The following LRRD1 variants were observed in gnomAD, a reference collection of about 807,000 sequenced individuals.
LRRD1 encodes the protein leucine rich repeats and death domain containing 1, also known as leucine-rich repeat and death domain-containing protein 1.
A neutral mutation model predicts 69.5 loss-of-function variants in LRRD1; 49 were observed. The observed-to-expected ratio is 0.70, with a 90% CI of 0.56 to 0.89. The LOEUF (loss-of-function observed/expected upper bound fraction) is 0.89, where lower values mean the gene tolerates loss of function less well. Ranked by LOEUF, LRRD1 falls within the 40% of genes least tolerant of loss-of-function variation. The pLI is 0.00. For synonymous variants in LRRD1, 303 were observed against 338.9 expected, an observed-to-expected ratio of 0.89 and a Z score of 1.16; for missense variants, 853 against 956.0, an observed-to-expected ratio of 0.89 and a Z score of 1.42.
rs542619786 is a variant in LRRD1 at position 92,167,876 on chromosome 7, C to CAAAAAAAAAAAAAAAAAA, written c.-74-2618_-74-2601dup. Among the ~76,000 whole-genome samples the CAAAAAAAAAAAAAAAAAA allele has an allele frequency of 2.2e-4, 10 of 46,196 alleles. 1 individual carries two copies. The highest frequency in any genetic ancestry group is 8.5e-4 in the African/African-American group (9 of 10,544). 30.3% of individuals were successfully genotyped at this position (46,196 alleles called of 152,430 possible). On this transcript the variant is annotated intron_variant, in intron 1 of 5. Transcript: ENST00000458448. ...TGGGCAACACAGCGAGACTCTGTCT[C>CAAAAAAAAAAAAAAAAAA]AAAAAAAAAAAAAAAAAAAAAAAAA...
intron 4 of LRRD1, 81 bp from the exon 5 acceptor site, chr7:92,146,281 A>G: frequency 1.4e-6 from 1 of 697,396 alleles, no homozygotes; most frequent in Non-Finnish European, 2.3e-6. Context: ...TAGTTTTCTT[A>G]TTTCTGTGCT....
intron 1 of LRRD1, among the ~76,000 whole-genome samples, chr7:92,174,511 T>TATATATGTATATA (rs1563195897): frequency 2.2e-4 from 6 of 26,704 alleles, no homozygotes; most frequent in Non-Finnish European, 3.4e-4. Context: ...ATATATATAT[T>TATATATGTATATA]TTTTTTTTTT....
chr7:92,155,530 G>A (rs928912552), intron 3 of LRRD1, among the ~76,000 whole-genome samples: 1 of 152,128 alleles, frequency 6.6e-6, no homozygotes, highest in Non-Finnish European at 1.5e-5. Context: ...GGTCAGTCAG[G>A]GTTCTCTAGA....
chr7:92,169,638 A>C (rs967672496), intron 1 of LRRD1, among the ~76,000 whole-genome samples: 6 of 152,194 alleles, frequency 3.9e-5, no homozygotes, highest in Admixed American at 3.3e-4. Context: ...CGACAGAGAG[A>C]GATTTCGTCT....
In LRRD1 at chr7:92,150,671, C is replaced by T; in HGVS notation, c.2141G>A (p.Ser714Asn). The T allele has an allele frequency of 6.5e-7, 1 of 1,542,298 alleles. No individual in the cohort carries two copies. The highest frequency in any genetic ancestry group is 8.8e-7 in the Non-Finnish European group (1 of 1,142,240). ...LSGNNLTALP[S>N]AIYNIFSLKE... ...CAGTGAAAAAATATTGTAGATAGCA[C>T]TAGGTAGAGCTGTCAGATTATTTCC... Residue 714 changes from serine (S) to asparagine (N), a missense_variant, in exon 4 of 6, where the codon AGT becomes AAT. Physicochemically the swap from Ser to Asn is conservative, Grantham distance 46 (BLOSUM62 1). Around this residue, in one of 3 missense-constraint regions of LRRD1, gnomAD observed 739 missense variants for 808.0 expected, o/e 0.91. Transcript: ENST00000458448.
rs1789021537 is a variant in LRRD1, at chr7:92,170,163, G to GGGAA, written c.-74-4891_-74-4888dup. Among the ~76,000 whole-genome samples the GGGAA allele has an allele frequency of 2.7e-5, 4 of 148,926 alleles. No individual in the cohort carries two copies. In the South Asian group the frequency reaches 8.6e-4, roughly 32 times the overall value. ...AAGGACGGAAGGAAGGAAGGAAGGAGGGAAGGAAGGAAAAGAAAAGAAGAA... is the reference window on the plus strand; with the variant it reads ...AAGGACGGAAGGAAGGAAGGAAGGAGGGAAGGAAGGAAGGAAAAGAAAAGAAGAA... On this transcript the variant is annotated intron_variant, in intron 1 of 5. Transcript: ENST00000458448.
intron 1 of LRRD1, among the ~76,000 whole-genome samples, chr7:92,173,951 A>G (rs1186560838): frequency 6.6e-6 from 1 of 152,232 alleles, no homozygotes; most frequent in Non-Finnish European, 1.5e-5. Flanking sequence ...AGATGAATGG[A>G]TAAAGAAAAT....
In LRRD1 at chr7:92,165,057, C is replaced by G; in HGVS notation, c.146G>C (p.Gly49Ala). 1.3e-6 allele frequency: 2 copies of G among 1,551,542 alleles called. No individual in the cohort carries two copies. Among genetic ancestry groups the G allele is most frequent in the South Asian group, 2.4e-5 (2 of 84,040 alleles). The change falls in exon 2 of 6, where the codon GGG becomes GCG. Residue 49 changes from glycine (G) to alanine (A), a missense_variant. By Grantham distance (60) the Gly-to-Ala change is moderately conservative (BLOSUM62 0). Transcript: ENST00000458448. ...TTCATAAATCTGGTTAGAAGATTTC[C>G]CTTCCAGGTAATCAGAAGCTTCGTT... is the stretch of plus-strand genomic sequence containing the variant. ...LINEASDYLE[G>A]KSSNQIYETH...
At chr7:92,172,003 G>T (rs1789067163) in intron 1 of LRRD1, among the ~76,000 whole-genome samples, 1 of 152,158 alleles carries the variant, frequency 6.6e-6, no homozygotes, top group Admixed American at 6.5e-5. Context: ...ACATGCCTGT[G>T]GTCCCAGCTA....
At chr7:92,154,855 T>C (rs1388526254) in intron 3 of LRRD1, among the ~76,000 whole-genome samples, 14 of 152,182 alleles carry the variant, frequency 9.2e-5, no homozygotes. Flanking sequence ...AGCTGATGCC[T>C]ACAAACCAAA....
chr7:92,163,190 A>G, intron 2 of LRRD1, 96 bp downstream of exon 2: 1 of 746,406 alleles, frequency 1.3e-6, no homozygotes, highest in South Asian at 6.1e-5. Flanking sequence ...GCTCAACTTA[A>G]AACACACATA....
rs542619786 is a variant in LRRD1 at position 92,167,876 on chromosome 7, CAAAAAAAAAAAAAA to C, written c.-74-2614_-74-2601del. 5.2e-4 allele frequency among the ~76,000 whole-genome samples: 24 copies of C among 46,198 alleles called. 1 individual carries two copies. Among genetic ancestry groups the C allele is most frequent in the South Asian group, 3.8e-3 (3 of 794 alleles). The allele number at this position is 46,198 out of a possible 152,430, so 30.3% of individuals were successfully genotyped here. A position where few individuals can be genotyped will look rare whatever the true frequency, so the allele number is the denominator to read the frequency against. On this transcript the variant is annotated intron_variant, in intron 1 of 5. Transcript: ENST00000458448. ...TGGGCAACACAGCGAGACTCTGTCTCAAAAAAAAAAAAAAAAAAAAAAAAAAAAAAAATAAGTTA... is the reference window on the plus strand; with the variant it reads ...TGGGCAACACAGCGAGACTCTGTCTCAAAAAAAAAAAAAAAAAATAAGTTA...
intron 1 of LRRD1, among the ~76,000 whole-genome samples, chr7:92,170,573 G>T (rs1016508781): frequency 2.6e-5 from 4 of 152,150 alleles, no homozygotes; most frequent in Non-Finnish European, 4.4e-5. Flanking sequence ...AATTTGTCTG[G>T]CAACAGACTG....
intron 3 of LRRD1, among the ~76,000 whole-genome samples, 188 bp downstream of exon 3, chr7:92,158,817 T>C (rs925553902): frequency 1.2e-4 from 19 of 152,168 alleles, no homozygotes; most frequent in Middle Eastern, 3.2e-3. Context: ...CTCCTACTCT[T>C]TCAAGGCAGG....
chr7:92,174,537 T>TTTTTA (rs1789149880), intron 1 of LRRD1, among the ~76,000 whole-genome samples: 1 of 82,170 alleles, frequency 1.2e-5, no homozygotes, highest in Admixed American at 1.3e-4. Flanking sequence ...TTTTTTTTTT[T>TTTTTA]GAGACAGAGT....
chr7:92,167,871 T>C (rs1231092712), intron 1 of LRRD1, among the ~76,000 whole-genome samples: 1 of 73,350 alleles, frequency 1.4e-5, no homozygotes, highest in Non-Finnish European at 2.2e-5. Context: ...AGCGAGACTC[T>C]GTCTCAAAAA....
At chr7:92,171,714 A>G (rs1227965591) in intron 1 of LRRD1, among the ~76,000 whole-genome samples, 2 of 152,196 alleles carry the variant, frequency 1.3e-5, no homozygotes, top group African/African-American at 4.8e-5. Flanking sequence ...ACACAGCAAA[A>G]AAAGAAAACT....
Position 92,163,933 on chromosome 7 carries a change from GGAGT to G in LRRD1, c.1266_1269del (p.Lys422AsnfsTer3), listed in dbSNP as rs1788845195. On this transcript the variant is annotated frameshift_variant, in exon 2 of 6. Transcript: ENST00000458448. LOFTEE classifies it high-confidence loss of function. ...TTTACCATATTATTTCTGTTTACAT[GGAGT>G]TTTCTTAAATTGTTAAGCTTATGGA... The G allele has an allele frequency of 2.6e-6, 4 of 1,538,256 alleles. No homozygotes were observed. In the African/African-American group the frequency reaches 5.5e-5, roughly 21 times the overall value.
At chr7:92,143,394 A>T (rs1820220824), downstream of LRRD1, among the ~76,000 whole-genome samples, 2 of 143,434 alleles carry the variant, frequency 1.4e-5, no homozygotes, top group Admixed American at 1.4e-4. Flanking sequence ...TGGATGGTCG[A>T]TGGGTCTGGG....
Sources: allele counts gnomAD v4.1 joint callset (sites outside exome capture counted in the v4.1 genomes callset), GRCh38; gene constraint gnomAD v4.1.1; regional missense constraint gnomAD v4.1.1; transcripts MANE v1.5; gene names NCBI Gene and HGNC (gene_info 2026-07-23, HGNC 2026-07-21).